UTRN: variants seen among roughly 807,000 people sequenced by gnomAD.
The protein encoded by UTRN is utrophin, also known as dystrophin-related protein 1.
In UTRN, 283 loss-of-function variants were observed where a neutral mutation model predicts 463.9. The ratio of observed to expected loss-of-function variants is 0.61; its 90% CI spans 0.55 to 0.67. UTRN has a LOEUF of 0.67. UTRN is among the 30% of genes least tolerant of loss of function. UTRN has a pLI of 0.00. For synonymous variants in UTRN, 1,442 were observed against 1,431.5 expected, an observed-to-expected ratio of 1.01 and a Z score of -0.17; for missense variants, 3,922 against 4,084.3, an observed-to-expected ratio of 0.96 and a Z score of 1.08.
intron 52 of UTRN, among the ~76,000 whole-genome samples, chr6:144,691,079 T>C (rs1783353286): frequency 1.3e-5 from 2 of 152,198 alleles, no homozygotes; most frequent in Admixed American, 1.3e-4. Flanking sequence ...AAAAAAGTTT[T>C]ATTCAGTTTA....
chr6:144,552,849 C>T (rs779184066), intron 48 of UTRN, among the ~76,000 whole-genome samples: 2 of 152,100 alleles, frequency 1.3e-5, no homozygotes, highest in Non-Finnish European at 2.9e-5. Flanking sequence ...TAGAATTGGT[C>T]ATAAGTACTT....
At chr6:144,423,849 C>A (rs1176237652) in intron 5 of UTRN, 137 bp from the exon 6 acceptor site, 32 of 978,802 alleles carry the variant, frequency 3.3e-5, no homozygotes, top group Non-Finnish European at 4.8e-5. Flanking sequence ...TTTAAGCTTA[C>A]CTGATTCTCT....
In UTRN at chr6:144,669,956, GGTGTGTGTGT is replaced by G. The variant is rs35769043; in HGVS notation, c.7480-8425_7480-8416del. Among the ~76,000 whole-genome samples, 29 of 148,000 alleles carry G rather than the reference GGTGTGTGTGT, an allele frequency of 2.0e-4. No homozygotes were observed. The East Asian group carries it at 4.0e-3, about 20-fold the overall frequency. ...CCTGAGTAGTATTGTAGTATTCCAT[GGTGTGTGTGT>G]GTGTGTGTGTGTGTGTGTGTGTGTA... On this transcript the variant is annotated intron_variant, in intron 51 of 74. Coordinates refer to ENST00000367545, the MANE Select transcript of UTRN (RefSeq NM_007124.3).
At chr6:144,664,998 G>T (rs1459634088) in intron 51 of UTRN, among the ~76,000 whole-genome samples, 1 of 152,020 alleles carries the variant, frequency 6.6e-6, no homozygotes, top group African/African-American at 2.4e-5. Context: ...AGGAATGGTG[G>T]ATTTATTTTC....
At chr6:144,772,547 C>T (rs533767811) in intron 59 of UTRN, among the ~76,000 whole-genome samples, 45 of 152,208 alleles carry the variant, frequency 3.0e-4, no homozygotes, top group Non-Finnish European at 6.5e-4. Flanking sequence ...TTACCTCCTT[C>T]GTATTGAGTC....
chr6:144,433,376 C>T (rs1786116583), intron 9 of UTRN, among the ~76,000 whole-genome samples: 2 of 151,744 alleles, frequency 1.3e-5, no homozygotes, highest in African/African-American at 2.4e-5. Flanking sequence ...ACCCCCACCT[C>T]CCTCCCGGAC....
intron 61 of UTRN, among the ~76,000 whole-genome samples, chr6:144,785,399 A>G (rs566862481): frequency 3.9e-5 from 6 of 152,178 alleles, no homozygotes; most frequent in East Asian, 1.9e-4. Flanking sequence ...TCTCTTTACT[A>G]ATTGAAAACC....
intron 14 of UTRN, among the ~76,000 whole-genome samples, chr6:144,445,963 A>T (rs1787655266): frequency 6.6e-6 from 1 of 152,102 alleles, no homozygotes; most frequent in Non-Finnish European, 1.5e-5. Flanking sequence ...CAGGAAGCAG[A>T]GGTTGCAGTG....
chr6:144,469,922 T>C (rs567323866), intron 23 of UTRN, among the ~76,000 whole-genome samples: 20 of 152,070 alleles, frequency 1.3e-4, no homozygotes, highest in Non-Finnish European at 2.2e-4. Flanking sequence ...GCATGCTGCC[T>C]TCAAGCATCT....
In UTRN at chr6:144,657,638, TATC is replaced by T. The variant is rs1390747073; in HGVS notation, c.7480-20765_7480-20763del. 2.0e-5 allele frequency among the ~76,000 whole-genome samples: 3 copies of T among 152,214 alleles called. 1 individual carries two copies. Among genetic ancestry groups the T allele is most frequent in the African/African-American group, 7.2e-5 (3 of 41,448 alleles). ...GATATGTGGGACTCTAACAATAACA[TATC>T]ATTCTTGTCTTGTTATAAGAGCCCT... On this transcript the variant is annotated intron_variant, in intron 51 of 74. Coordinates refer to ENST00000367545, the MANE Select transcript of UTRN (RefSeq NM_007124.3).
At chr6:144,675,316 GGT>G (rs1374780686) in intron 51 of UTRN, among the ~76,000 whole-genome samples, 2 of 152,180 alleles carry the variant, frequency 1.3e-5, no homozygotes, top group African/African-American at 4.8e-5. Flanking sequence ...TCTGTCCTCA[GGT>G]CTCCCAGCCA....
At chr6:144,337,152 C>A (rs1332599187) in intron 2 of UTRN, among the ~76,000 whole-genome samples, 1 of 149,232 alleles carries the variant, frequency 6.7e-6, no homozygotes, top group Non-Finnish European at 1.5e-5. Context: ...CACACAGAGA[C>A]ACACACACAC....
chr6:144,321,695 C>T (rs183118673), intron 2 of UTRN, among the ~76,000 whole-genome samples: 75 of 151,656 alleles, frequency 4.9e-4, no homozygotes, highest in African/African-American at 1.8e-3. Flanking sequence ...TGGTTTCGAA[C>T]TCCTGGCTTC....
intron 65 of UTRN, among the ~76,000 whole-genome samples, chr6:144,810,331 G>A (rs767473591): frequency 1.1e-4 from 17 of 152,252 alleles, no homozygotes; most frequent in Non-Finnish European, 2.1e-4. Context: ...TTTTCTCTTG[G>A]TTGTTATGAA....
chr6:144,428,738 A>G (rs1410516293), intron 7 of UTRN, 40 bp from the exon 8 acceptor site: 7 of 1,169,418 alleles, frequency 6.0e-6, no homozygotes, highest in Non-Finnish European at 8.5e-6. Flanking sequence ...TTGTTTCCAC[A>G]TATTTCATCT....
At chr6:144,733,942 A>G (rs1454238145) in intron 54 of UTRN, among the ~76,000 whole-genome samples, 1 of 152,212 alleles carries the variant, frequency 6.6e-6, no homozygotes, top group Non-Finnish European at 1.5e-5. Flanking sequence ...AGCATTTTAT[A>G]ACCTATGCAA....
At chr6:144,797,764 A>G in intron 63 of UTRN, 60 bp from the exon 64 acceptor site, 2 of 1,546,016 alleles carry the variant, frequency 1.3e-6, no homozygotes, top group Non-Finnish European at 1.8e-6. Context: ...AAGCAACAAC[A>G]CTAGCTACAG....
chr6:144,621,985 T>G (rs751368100), intron 51 of UTRN, among the ~76,000 whole-genome samples: 1 of 152,128 alleles, frequency 6.6e-6, no homozygotes, highest in Admixed American at 6.6e-5. Context: ...TATTTAAAGC[T>G]CTTGCTTATT....
At chr6:144,657,861 C>G (rs954761910) in intron 51 of UTRN, among the ~76,000 whole-genome samples, 4 of 152,104 alleles carry the variant, frequency 2.6e-5, no homozygotes, top group African/African-American at 9.7e-5. Flanking sequence ...TGTTCTTTTT[C>G]TCTCCCTTTT....
Sources: allele counts gnomAD v4.1 joint callset (sites outside exome capture counted in the v4.1 genomes callset), GRCh38; gene constraint gnomAD v4.1.1; transcripts MANE v1.5; gene names NCBI Gene and HGNC (gene_info 2026-07-23, HGNC 2026-07-21).